Variants in IST1 observed in about 807,000 individuals in gnomAD.
The protein encoded by IST1 is IST1 factor associated with ESCRT-III.
In IST1, 23 loss-of-function variants were observed where a neutral mutation model predicts 37.0. That is an observed-to-expected ratio of 0.62 (90% CI 0.45 to 0.88). The LOEUF (loss-of-function observed/expected upper bound fraction) is 0.88. Ranked by LOEUF, IST1 falls within the 40% of genes least tolerant of loss-of-function variation. The pLI is 0.00. For synonymous variants in IST1, 180 were observed against 161.7 expected, an observed-to-expected ratio of 1.11 and a Z score of -0.86; for missense variants, 488 against 445.4, an observed-to-expected ratio of 1.10 and a Z score of -0.86.
chr16:71,928,064 A>G lies in IST1; in HGVS notation c.*251A>G. 2.2e-6 allele frequency: 1 copy of G among 461,174 alleles called. No individual in the cohort carries two copies. The highest frequency in any genetic ancestry group is 2.1e-5 in the South Asian group (1 of 47,440). The allele number at this position is 461,174 out of a possible 1,614,324, so 28.6% of individuals were successfully genotyped here. A position where few individuals can be genotyped will look rare whatever the true frequency, so the allele number is the denominator to read the frequency against. Reference sequence around the variant, plus strand: ...GCTGTGCTTGTCCGTTTCCTGTCAGAGTGATCCCAGGTTTCCTCCTGGCCC... The same window carrying G: ...GCTGTGCTTGTCCGTTTCCTGTCAGGGTGATCCCAGGTTTCCTCCTGGCCC... On this transcript the variant is annotated 3_prime_UTR_variant, in exon 10 of 10. Transcript: ENST00000378799.
intron 8 of IST1, chr16:71,924,296 T>G: frequency 2.4e-6 from 1 of 410,972 alleles, no homozygotes; most frequent in Non-Finnish European, 4.8e-6. Context: ...GGATTTTTTT[T>G]TCTCTGCTTG....
chr16:71,922,213 C>T (rs1370253538), intron 6 of IST1, among the ~76,000 whole-genome samples: 3 of 152,228 alleles, frequency 2.0e-5, no homozygotes, highest in Admixed American at 2.0e-4. Flanking sequence ...CTCAGACATC[C>T]CTATTACCCA....
chr16:71,922,736 G>A, intron 7 of IST1, 56 bp downstream of exon 7: 3 of 1,436,838 alleles, frequency 2.1e-6, no homozygotes, highest in Non-Finnish European at 2.9e-6. Context: ...ATAACAAGTT[G>A]GCTCTGTGAA....
chr16:71,920,936 A>G (rs748691332), intron 5 of IST1, 114 bp downstream of exon 5: 19 of 804,074 alleles, frequency 2.4e-5, no homozygotes, highest in Admixed American at 1.7e-4. Flanking sequence ...TTCACCTTTC[A>G]TAGTGGGGTG....
chr16:71,921,239 C>G, intron 5 of IST1, 104 bp from the exon 6 acceptor site: 2 of 713,338 alleles, frequency 2.8e-6, no homozygotes, highest in South Asian at 3.3e-5. Flanking sequence ...CTTTTTTTCC[C>G]TCAATATTAC....
At chr16:71,923,475 A>T in intron 8 of IST1, 95 bp downstream of exon 8, 1 of 671,592 alleles carries the variant, frequency 1.5e-6, no homozygotes, top group Non-Finnish European at 2.6e-6. Flanking sequence ...GTTTTGATCA[A>T]CTCCTAGTAC....
chr16:71,929,804 G>T lies in IST1; in HGVS notation c.*1991G>T. 9.3e-7 allele frequency: 1 copy of T among 1,080,238 alleles called. No individual in the cohort carries two copies. The highest frequency in any genetic ancestry group is 1.3e-6 in the Non-Finnish European group (1 of 769,484). 66.9% of individuals were successfully genotyped at this position (1,080,238 alleles called of 1,614,324 possible). On this transcript the variant is annotated 3_prime_UTR_variant, in exon 10 of 10. Transcript: ENST00000378799. ...AAAGATACTATTTCTTTAATAATTT[G>T]CAGTCAGGCATTGGAGTGTTTCCAC...
At chr16:71,905,159 C>A (rs1334721339) in intron 1 of IST1, among the ~76,000 whole-genome samples, 1 of 152,000 alleles carries the variant, frequency 6.6e-6, no homozygotes, top group Non-Finnish European at 1.5e-5. Flanking sequence ...CCTCAGCCTC[C>A]CAAGTAGCTG....
intron 1 of IST1, among the ~76,000 whole-genome samples, chr16:71,905,030 AGTATTTTT>A (rs1262625681): frequency 2.0e-5 from 3 of 148,470 alleles, no homozygotes; most frequent in African/African-American, 5.0e-5. Flanking sequence ...TTTTTTGTGT[AGTATTTTT>A]GTTTTTTTGT....
At chr16:71,912,462 C>A (rs1035509253) in intron 1 of IST1, among the ~76,000 whole-genome samples, 1 of 152,188 alleles carries the variant, frequency 6.6e-6, no homozygotes, top group African/African-American at 2.4e-5. Flanking sequence ...TGGTCTCGAT[C>A]TCCTGACTTC....
upstream of IST1, chr16:71,895,326 C>G (rs3812991): frequency 1.5e-4 from 24 of 157,790 alleles, no homozygotes; most frequent in Non-Finnish European, 5.5e-5. Flanking sequence ...GTGGCGCTTC[C>G]CCCAACGTCT....
chr16:71,917,152 C>T lies in IST1; in HGVS notation c.357+18C>T, dbSNP rs2037483271. ...TGAAAATAGTGAGTACAAGTAGTTT[C>T]AGTGATGTCTGTAGCTTTTCATATT... On this transcript the variant is annotated intron_variant, in intron 4 of 9. Transcript: ENST00000378799. 1.4e-6 allele frequency: 2 copies of T among 1,450,076 alleles called. No individual in the cohort carries two copies. Among genetic ancestry groups the T allele is most frequent in the East Asian group, 4.5e-5 (2 of 44,064 alleles). The allele number at this position is 1,450,076 out of a possible 1,614,324, so 89.8% of individuals were successfully genotyped here.
chr16:71,924,219 T>C, intron 8 of IST1: 1 of 454,864 alleles, frequency 2.2e-6, no homozygotes, highest in Non-Finnish European at 4.4e-6. Context: ...GTTCTTAAGA[T>C]ATATTCAAGA....
chr16:71,898,038 TA>T (rs921205384), intron 1 of IST1, among the ~76,000 whole-genome samples: 10 of 152,046 alleles, frequency 6.6e-5, no homozygotes, highest in Non-Finnish European at 1.3e-4. Context: ...AAGGATTCTA[TA>T]TTGCTCAGTC....
At chr16:71,912,038 G>A (rs1358047910) in intron 1 of IST1, among the ~76,000 whole-genome samples, 1 of 151,914 alleles carries the variant, frequency 6.6e-6, no homozygotes, top group Non-Finnish European at 1.5e-5. Flanking sequence ...ACCTTGAGAG[G>A]TGGTGCCAAT....
At chr16:71,923,228 A>T in intron 7 of IST1, 60 bp from the exon 8 acceptor site, 1 of 937,858 alleles carries the variant, frequency 1.1e-6, no homozygotes, top group Non-Finnish European at 1.7e-6. Context: ...TCCCATACCC[A>T]AACCTTCGAG....
rs1342994677 is a variant in IST1 at position 71,923,667 on chromosome 16, GT to G, written c.852+291del. On this transcript the variant is annotated intron_variant, in intron 8 of 9. Coordinates refer to ENST00000378799, the MANE Select transcript of IST1 (RefSeq NM_001270975.2). ...GCTCTATGAGGGCACTTAGCCAGTT[GT>G]TTTGACCGACTAGGCAGATAATCAC... is the stretch of plus-strand genomic sequence containing the variant. 2.6e-5 allele frequency among the ~76,000 whole-genome samples: 4 copies of G among 152,214 alleles called. No homozygotes were observed. In the East Asian group the frequency reaches 7.7e-4, roughly 29 times the overall value.
At chr16:71,902,606 A>G (rs1421458115) in intron 1 of IST1, among the ~76,000 whole-genome samples, 1 of 151,894 alleles carries the variant, frequency 6.6e-6, no homozygotes, top group Non-Finnish European at 1.5e-5. Context: ...GTGCAGCTAT[A>G]TTTTCTATTT....
chr16:71,895,951 C>T (rs2142510624), intron 1 of IST1, among the ~76,000 whole-genome samples: 1 of 152,372 alleles, frequency 6.6e-6, no homozygotes, highest in Middle Eastern at 3.4e-3. Flanking sequence ...GGCGACACCC[C>T]TACCCCGTCT....
Sources: allele counts gnomAD v4.1 joint callset (sites outside exome capture counted in the v4.1 genomes callset), GRCh38; gene constraint gnomAD v4.1.1; transcripts MANE v1.5; gene names NCBI Gene and HGNC (gene_info 2026-07-23, HGNC 2026-07-21).